Variants in PTPRN2 observed in about 807,000 individuals in gnomAD.
PTPRN2 encodes the protein receptor-type tyrosine-protein phosphatase N2.
Under a neutral mutation model 118.8 loss-of-function variants are expected in PTPRN2, and 74 were observed. That is an observed-to-expected ratio of 0.62 (90% CI 0.52 to 0.76). The LOEUF (loss-of-function observed/expected upper bound fraction) is 0.76, where lower values mean the gene tolerates loss of function less well. PTPRN2 is among the 30% of genes least tolerant of loss of function. The probability of loss-of-function intolerance (pLI) is 0.00; values close to 1 mark genes in which losing one functional copy is unlikely to be tolerated. For synonymous variants in PTPRN2, 641 were observed against 608.0 expected (o/e 1.05, Z -0.80); for missense variants, 1,481 against 1,394.4 (o/e 1.06, Z -0.99).
Position 158,188,684 on chromosome 7 carries a change from A to G in PTPRN2, c.549+3643T>C, listed in dbSNP as rs1336845675. 2.6e-4 allele frequency among the ~76,000 whole-genome samples: 32 copies of G among 121,632 alleles called. No homozygotes were observed. In the East Asian group the frequency reaches 4.6e-3, roughly 17 times the overall value. The allele number at this position is 121,632 out of a possible 152,430, so 79.8% of individuals were successfully genotyped here. The stretch of plus-strand genomic sequence containing the variant: ...GAAGGCCGCCACGCTCGCCCCCTGT[A>G]CTGGAAAGGCCGCCACGCCCGCCCC... On this transcript the variant is annotated intron_variant, in intron 5 of 22. Transcript: ENST00000389418.
chr7:158,134,582 G>A (rs1481427422), intron 8 of PTPRN2, among the ~76,000 whole-genome samples: 1 of 152,162 alleles, frequency 6.6e-6, no homozygotes, highest in African/African-American at 2.4e-5. Flanking sequence ...AGTAACCCCA[G>A]TTCACAGAAG....
At chr7:158,491,617 G>T (rs1821448922) in intron 1 of PTPRN2, among the ~76,000 whole-genome samples, 1 of 152,012 alleles carries the variant, frequency 6.6e-6, no homozygotes, top group Admixed American at 6.5e-5. Flanking sequence ...AGCCTCCCAA[G>T]TGGCTGGGAC....
At chr7:158,050,872 G>A (rs1809272826) in intron 11 of PTPRN2, among the ~76,000 whole-genome samples, 1 of 152,246 alleles carries the variant, frequency 6.6e-6, no homozygotes, top group African/African-American at 2.4e-5. Context: ...AGCCCCGTCT[G>A]GGTTCTGGCT....
At chr7:157,588,165 G>GTATC (rs1309747168) in intron 17 of PTPRN2, among the ~76,000 whole-genome samples, 1 of 152,236 alleles carries the variant, frequency 6.6e-6, no homozygotes, top group Non-Finnish European at 1.5e-5. Flanking sequence ...CAGCTGTTGT[G>GTATC]TATCTCCTGG....
At position 157,964,653 on chromosome 7, in the gene PTPRN2, C is replaced by T. The variant is rs1049716119; in HGVS notation, c.1724-65916G>A. Among the ~76,000 whole-genome samples the T allele has an allele frequency of 6.6e-6, 1 of 152,182 alleles. No homozygotes were observed. The highest frequency in any genetic ancestry group is 1.5e-5 in the Non-Finnish European group (1 of 68,030). On this transcript the variant is annotated intron_variant, in intron 11 of 22. Coordinates refer to ENST00000389418, the MANE Select transcript of PTPRN2 (RefSeq NM_002847.5). This position sits in a 1 kb window ranked among gnomAD's most constrained non-coding sequence, Gnocchi z 9.0. ...AACACCCTGTGATGGCCTTACTTGG[C>T]GTGTGGAGCTGTGACCACCAGGGCC...
chr7:158,022,515 CTCTG>C lies in PTPRN2; in HGVS notation c.1723+58779_1723+58782del, dbSNP rs1371121740. 6.6e-6 allele frequency among the ~76,000 whole-genome samples: 1 copy of C among 151,058 alleles called. No homozygotes were observed. The highest frequency in any genetic ancestry group is 1.5e-5 in the Non-Finnish European group (1 of 67,750). ...TAGCCAAGGCCCCGGCACCCGGGCACTCTGTCTGGGGCAGCCCGTAATGTGTTCA... is the reference window on the plus strand; with the variant it reads ...TAGCCAAGGCCCCGGCACCCGGGCACTCTGGGGCAGCCCGTAATGTGTTCA... On this transcript the variant is annotated intron_variant, in intron 11 of 22. Transcript: ENST00000389418. This position sits in a 1 kb window ranked among gnomAD's most constrained non-coding sequence, Gnocchi z 4.6.
At chr7:158,444,514 G>C (rs1012578915) in intron 2 of PTPRN2, among the ~76,000 whole-genome samples, 3 of 152,246 alleles carry the variant, frequency 2.0e-5, no homozygotes, top group Non-Finnish European at 2.9e-5. Flanking sequence ...TCTACCACCT[G>C]TGTGAGAAGA....
chr7:157,567,843 T>C (rs1799565845), intron 21 of PTPRN2, among the ~76,000 whole-genome samples: 1 of 152,090 alleles, frequency 6.6e-6, no homozygotes, highest in South Asian at 2.1e-4. Context: ...CAGACTCTTC[T>C]CAAGTAAGTG....
At chr7:157,897,731 C>T (rs1042903197) in intron 12 of PTPRN2, among the ~76,000 whole-genome samples, 2 of 152,164 alleles carry the variant, frequency 1.3e-5, no homozygotes, top group African/African-American at 2.4e-5. Context: ...TTCAAGAGCC[C>T]GAGTCTGGGG....
At chr7:158,359,075 C>A (rs1808622015) in intron 2 of PTPRN2, among the ~76,000 whole-genome samples, 1 of 152,194 alleles carries the variant, frequency 6.6e-6, no homozygotes, top group African/African-American at 2.4e-5. Context: ...AAGGCCCCAG[C>A]ATAGCTAATC....
In PTPRN2 at chr7:158,517,797, G is replaced by T. The variant is rs775670652; in HGVS notation, c.113-28012C>A. 6.6e-6 allele frequency among the ~76,000 whole-genome samples: 1 copy of T among 151,942 alleles called. No homozygotes were observed. Among genetic ancestry groups the T allele is most frequent in the Non-Finnish European group, 1.5e-5 (1 of 67,998 alleles). ...ACTCATCCCCACCACAGCCAGGCAGGCCTCCCCAGGCACCTCCATCCCCTT... is the reference window on the plus strand; with the variant it reads ...ACTCATCCCCACCACAGCCAGGCAGTCCTCCCCAGGCACCTCCATCCCCTT... On this transcript the variant is annotated intron_variant, in intron 1 of 22. Coordinates refer to ENST00000389418, the MANE Select transcript of PTPRN2 (RefSeq NM_002847.5). The surrounding 1 kb of genome is among the most constrained non-coding windows in gnomAD (Gnocchi z 5.3).
chr7:157,722,679 G>T (rs112801448), intron 12 of PTPRN2, among the ~76,000 whole-genome samples: 3,835 of 152,300 alleles, frequency 0.025, 102 homozygotes, highest in Non-Finnish European at 0.037. Flanking sequence ...GTGCAGCCGG[G>T]GGGGACAGGG....
intron 2 of PTPRN2, among the ~76,000 whole-genome samples, chr7:158,469,423 C>A (rs1187065592): frequency 6.6e-6 from 1 of 152,148 alleles, no homozygotes; most frequent in Non-Finnish European, 1.5e-5. Context: ...GCCTGGGCAA[C>A]AGAGGGAGAC....
intron 15 of PTPRN2, 77 bp from the exon 16 acceptor site, chr7:157,604,152 C>T (rs1376232946): frequency 2.9e-6 from 4 of 1,358,600 alleles, no homozygotes; most frequent in African/African-American, 1.4e-5. Context: ...GCCTCCAGGG[C>T]CCCCCACCCA....
At chr7:157,798,882 A>G (rs924995382) in intron 12 of PTPRN2, among the ~76,000 whole-genome samples, 10 of 152,058 alleles carry the variant, frequency 6.6e-5, no homozygotes, top group African/African-American at 2.4e-4. Context: ...TCCACATCCC[A>G]TCGGCTCCAC....
At chr7:158,459,467 G>T (rs907309192) in intron 2 of PTPRN2, among the ~76,000 whole-genome samples, 5 of 152,142 alleles carry the variant, frequency 3.3e-5, no homozygotes, top group Non-Finnish European at 7.4e-5. Context: ...CCAGGGGCCC[G>T]CAAAAGGACG....
chr7:158,513,576 A>C (rs1468942932), intron 1 of PTPRN2, among the ~76,000 whole-genome samples: 4 of 152,164 alleles, frequency 2.6e-5, no homozygotes, highest in African/African-American at 9.6e-5. Flanking sequence ...TTCTACCTTC[A>C]GTTATTTTAG....
intron 1 of PTPRN2, among the ~76,000 whole-genome samples, chr7:158,514,133 G>A (rs1823371102): frequency 6.6e-6 from 1 of 152,152 alleles, no homozygotes; most frequent in African/African-American, 2.4e-5. Flanking sequence ...TTTCGTCCAG[G>A]ACTGACATAG....
intron 14 of PTPRN2, among the ~76,000 whole-genome samples, chr7:157,651,379 A>G (rs931570103): frequency 1.3e-5 from 2 of 152,028 alleles, no homozygotes; most frequent in African/African-American, 4.8e-5. Context: ...CATCTTCAAC[A>G]CTCAAGAGGA....
Sources: gnomAD v4.1 joint callset for allele counts (sites outside exome capture counted in the v4.1 genomes callset) on GRCh38, gnomAD v4.1.1 for gene constraint, Gnocchi (gnomAD v3.1) non-coding constraint, MANE v1.5 for transcripts, NCBI Gene and HGNC (gene_info 2026-07-23, HGNC 2026-07-21) for gene names.